STUM: variants seen among roughly 807,000 people sequenced by gnomAD.
The protein encoded by STUM is protein stum homolog.
STUM carries 8 observed loss-of-function variants against 15.3 expected under a neutral mutation model. The observed-to-expected ratio is 0.52, with a 90% CI of 0.31 to 0.94. STUM has a LOEUF of 0.94. Among genes scored for constraint, STUM ranks in the 40% least tolerant of loss-of-function variants. The pLI is 0.05. For missense variants in STUM, 142 were observed against 204.9 expected, an observed-to-expected ratio of 0.69 and a Z score of 1.87; for synonymous variants, 78 against 88.7, an observed-to-expected ratio of 0.88 and a Z score of 0.68.
Position 226,549,597 on chromosome 1 carries a change from C to A in STUM, c.202+491C>A, listed in dbSNP as rs1356791750. 6.6e-6 allele frequency among the ~76,000 whole-genome samples: 1 copy of A among 152,188 alleles called. No homozygotes were observed. The highest frequency in any genetic ancestry group is 6.5e-5 in the Admixed American group (1 of 15,288). On this transcript the variant is annotated intron_variant, in intron 1 of 3. Transcript: ENST00000366788. This position sits in a 1 kb window ranked among gnomAD's most constrained non-coding sequence, Gnocchi z 6.8. ...AAGAGGACGAGCCGGGCTAGATATACCTGCAGCCCCCTTTGGTTCGCGGAG... is the reference window on the plus strand; with the variant it reads ...AAGAGGACGAGCCGGGCTAGATATAACTGCAGCCCCCTTTGGTTCGCGGAG...
chr1:226,582,136 C>G (rs368404195), intron 1 of STUM, among the ~76,000 whole-genome samples: 6 of 152,338 alleles, frequency 3.9e-5, no homozygotes, highest in Non-Finnish European at 4.4e-5. Flanking sequence ...TCCACTGATA[C>G]GGAGGCAGAC....
At chr1:226,583,564 T>G (rs1240200424) in intron 1 of STUM, among the ~76,000 whole-genome samples, 1 of 152,208 alleles carries the variant, frequency 6.6e-6, no homozygotes, top group Non-Finnish European at 1.5e-5. Context: ...TCCTCCTCAG[T>G]GCCTTATTAG....
chr1:226,574,701 C>T (rs746824115), intron 1 of STUM, among the ~76,000 whole-genome samples: 14 of 152,200 alleles, frequency 9.2e-5, no homozygotes, highest in Non-Finnish European at 1.6e-4. Context: ...GCCAAAGTGA[C>T]GGGTGACCAG....
chr1:226,558,325 T>C (rs1667482988), intron 1 of STUM, among the ~76,000 whole-genome samples: 1 of 152,138 alleles, frequency 6.6e-6, no homozygotes, highest in Admixed American at 6.5e-5. Context: ...ATTAGCAAAA[T>C]CCCCTTTGTT....
chr1:226,561,423 G>A (rs1297152227), intron 1 of STUM, among the ~76,000 whole-genome samples: 2 of 152,052 alleles, frequency 1.3e-5, no homozygotes, highest in Admixed American at 6.5e-5. Flanking sequence ...GAGTTCTCAG[G>A]GCTGCATGCA....
intron 1 of STUM, among the ~76,000 whole-genome samples, chr1:226,589,245 C>A (rs1232558540): frequency 6.6e-6 from 1 of 152,210 alleles, no homozygotes; most frequent in Non-Finnish European, 1.5e-5. Flanking sequence ...ACTTCCAGCT[C>A]TCAGGCTCTA....
chr1:226,572,695 G>C (rs1667737771), intron 1 of STUM, among the ~76,000 whole-genome samples: 1 of 152,212 alleles, frequency 6.6e-6, no homozygotes, highest in South Asian at 2.1e-4. Context: ...CCCAGGGAAA[G>C]TGCCCCAACC....
chr1:226,564,766 G>A (rs746605154), intron 1 of STUM, among the ~76,000 whole-genome samples: 71 of 152,242 alleles, frequency 4.7e-4, no homozygotes, highest in Non-Finnish European at 9.1e-4. Flanking sequence ...CTCAAGGAGA[G>A]TGTGGCTTCT....
At chr1:226,601,128 TTTC>T (rs1553312873) in intron 3 of STUM, among the ~76,000 whole-genome samples, 10 of 152,028 alleles carry the variant, frequency 6.6e-5, no homozygotes, top group African/African-American at 2.2e-4. Flanking sequence ...TCGTTTTTTT[TTTC>T]TTCTTCTTCT....
intron 1 of STUM, among the ~76,000 whole-genome samples, chr1:226,553,694 C>T (rs1304410075): frequency 6.6e-6 from 1 of 152,206 alleles, no homozygotes; most frequent in Non-Finnish European, 1.5e-5. Flanking sequence ...AAGAAAGGCT[C>T]TAAGCGCATA....
chr1:226,597,769 T>C (rs1209379784), intron 2 of STUM, among the ~76,000 whole-genome samples: 18 of 152,202 alleles, frequency 1.2e-4, no homozygotes, highest in Admixed American at 1.2e-3. Context: ...CTGAGGGAGA[T>C]GCAGTGGAGC....
Position 226,602,495 on chromosome 1 carries a change from C to T in STUM, c.*455C>T, listed in dbSNP as rs1240875620. The T allele has an allele frequency of 3.0e-5, 5 of 168,784 alleles. No individual in the cohort carries two copies. The highest frequency in any genetic ancestry group is 6.5e-5 in the Non-Finnish European group (5 of 77,462). The allele number at this position is 168,784 out of a possible 1,614,324, so 10.5% of individuals were successfully genotyped here. ...CCACCTGCCTCAAAATCTGGTGCCC[C>T]GAGTGTTTACTGTGTGGTCTCCTGG... On this transcript the variant is annotated 3_prime_UTR_variant, in exon 4 of 4. Coordinates refer to ENST00000366788, the MANE Select transcript of STUM (RefSeq NM_001003665.4).
chr1:226,599,791 T>C (rs1055770985), intron 2 of STUM, among the ~76,000 whole-genome samples: 1 of 152,242 alleles, frequency 6.6e-6, no homozygotes, highest in African/African-American at 2.4e-5. Flanking sequence ...GGGCTCTTTC[T>C]ACTGCCATGC....
Position 226,602,338 on chromosome 1 carries a change from C to G in STUM, c.*298C>G. Reference sequence around the variant, plus strand: ...GCTGGGATGCTCCGGCAGGCTCCAACTGGCCTTGCTGTACCCACTGCCCAC... The same window carrying G: ...GCTGGGATGCTCCGGCAGGCTCCAAGTGGCCTTGCTGTACCCACTGCCCAC... On this transcript the variant is annotated 3_prime_UTR_variant, in exon 4 of 4. Transcript: ENST00000366788. 1 of 435,196 alleles carries G rather than the reference C, an allele frequency of 2.3e-6. No individual in the cohort carries two copies. The highest frequency in any genetic ancestry group is 4.2e-6 in the Non-Finnish European group (1 of 237,788). 27.0% of individuals were successfully genotyped at this position (435,196 alleles called of 1,614,324 possible).
intron 3 of STUM, among the ~76,000 whole-genome samples, chr1:226,601,249 C>T (rs1456205336): frequency 6.6e-6 from 1 of 152,162 alleles, no homozygotes; most frequent in Non-Finnish European, 1.5e-5. Context: ...GCCTCAGCCT[C>T]CCGAGTAGCT....
chr1:226,597,099 A>G, intron 2 of STUM, 118 bp downstream of exon 2: 1 of 1,009,328 alleles, frequency 9.9e-7, no homozygotes, highest in South Asian at 1.3e-5. Flanking sequence ...CGGGCTCTGG[A>G]GAGGGCTTGC....
chr1:226,608,318 G>A lies in STUM; in HGVS notation c.*6278G>A, dbSNP rs1211005841. ...TTGGATGTTTCAAGCAAGGGACAAG[G>A]TGATGGTGGCTGTAATAGGCTCCTC... On this transcript the variant is annotated 3_prime_UTR_variant, in exon 4 of 4. Coordinates refer to ENST00000366788, the MANE Select transcript of STUM (RefSeq NM_001003665.4). The surrounding 1 kb of genome is among the most constrained non-coding windows in gnomAD (Gnocchi z 4.0). 1 of 152,232 alleles carries A rather than the reference G, an allele frequency of 6.6e-6. No individual in the cohort carries two copies. Among genetic ancestry groups the A allele is most frequent in the East Asian group, 1.9e-4 (1 of 5,200 alleles). 9.4% of individuals were successfully genotyped at this position (152,232 alleles called of 1,614,324 possible). A position where few individuals can be genotyped will look rare whatever the true frequency, so the allele number is the denominator to read the frequency against.
intron 1 of STUM, among the ~76,000 whole-genome samples, chr1:226,589,267 C>T (rs1403477916): frequency 6.6e-6 from 1 of 152,194 alleles, no homozygotes; most frequent in Non-Finnish European, 1.5e-5. Flanking sequence ...CTCGTGGGAG[C>T]AGAGCCGCCC....
At chr1:226,597,302 A>G in intron 2 of STUM, 1 of 538,812 alleles carries the variant, frequency 1.9e-6, no homozygotes, top group Non-Finnish European at 3.7e-6. Context: ...AAGACAACTC[A>G]GTTACCCTTT....
Sources: gnomAD v4.1 joint callset for allele counts (sites outside exome capture counted in the v4.1 genomes callset) on GRCh38, gnomAD v4.1.1 for gene constraint, Gnocchi (gnomAD v3.1) non-coding constraint, MANE v1.5 for transcripts, NCBI Gene and HGNC (gene_info 2026-07-23, HGNC 2026-07-21) for gene names.